The following DGKB variants were observed in gnomAD, a reference collection of about 807,000 sequenced individuals.
DGKB encodes diacylglycerol kinase beta.
A neutral mutation model predicts 114.3 loss-of-function variants in DGKB; 67 were observed. That is an observed-to-expected ratio of 0.59 (90% confidence interval 0.48 to 0.72). The LOEUF (loss-of-function observed/expected upper bound fraction) is 0.72, where lower values mean the gene tolerates loss of function less well. Ranked by LOEUF, DGKB falls within the 30% of genes least tolerant of loss-of-function variation. The probability of loss-of-function intolerance (pLI) is 0.00; values close to 1 mark genes in which losing one functional copy is unlikely to be tolerated. For missense variants in DGKB, 907 were observed against 975.2 expected, an observed-to-expected ratio of 0.93 and a Z score of 0.93; for synonymous variants, 398 against 323.1, an observed-to-expected ratio of 1.23 and a Z score of -2.49.
chr7:14,250,156 A>G (rs1795021906), intron 23 of DGKB, among the ~76,000 whole-genome samples: 1 of 149,298 alleles, frequency 6.7e-6, no homozygotes, highest in South Asian at 2.1e-4. Flanking sequence ...TTTGGTAGAA[A>G]TGCGGTTTCA....
At position 14,147,707 on chromosome 7, in the gene DGKB, CAT is replaced by C. The variant is rs1287980565; in HGVS notation, c.*1422_*1423del. ...GTTTTCCTTATGGCATGTTTGAAAA[CAT>C]AAAACATGCAATGATGAGATGCAGG... On this transcript the variant is annotated 3_prime_UTR_variant, in exon 26 of 26. Coordinates refer to ENST00000402815, the MANE Select transcript of DGKB (RefSeq NM_001350709.2). The C allele has an allele frequency of 6.6e-6, 1 of 152,470 alleles. No individual in the cohort carries two copies. The highest frequency in any genetic ancestry group is 1.5e-5 in the Non-Finnish European group (1 of 67,980). The allele number at this position is 152,470 out of a possible 1,614,324, so 9.4% of individuals were successfully genotyped here.
chr7:14,207,188 C>A (rs187529293), intron 23 of DGKB, among the ~76,000 whole-genome samples: 12 of 152,144 alleles, frequency 7.9e-5, no homozygotes, highest in African/African-American at 2.9e-4. Flanking sequence ...AACATGTGAT[C>A]CATCAGTATG....
At chr7:14,942,821 T>G (rs1785642299) in intron 1 of DGKB, among the ~76,000 whole-genome samples, 1 of 152,194 alleles carries the variant, frequency 6.6e-6, no homozygotes, top group African/African-American at 2.4e-5. Context: ...TCCCCTTACC[T>G]AAAATACCTT....
At chr7:14,974,143 A>C (rs10950544) in intron 1 of DGKB, among the ~76,000 whole-genome samples, 58,370 of 151,608 alleles carry the variant, frequency 0.39, 13,476 homozygotes, top group African/African-American at 0.66. Flanking sequence ...TACTGACACT[A>C]TACTGTACAA....
At chr7:14,552,214 C>A (rs1795202960) in intron 20 of DGKB, among the ~76,000 whole-genome samples, 1 of 152,150 alleles carries the variant, frequency 6.6e-6, no homozygotes. Context: ...AGAATTCACA[C>A]TTCTTTCTGG....
rs73269851 is a variant in DGKB, at chr7:14,151,340, A to G, written c.2305-2102T>C. Among the ~76,000 whole-genome samples the G allele has an allele frequency of 3.4e-3, 513 of 152,126 alleles. 2 individuals are homozygous for G. Among genetic ancestry groups the G allele is most frequent in the African/African-American group, 0.012 (490 of 41,534 alleles). On this transcript the variant is annotated intron_variant, in intron 25 of 25. Coordinates refer to ENST00000402815, the MANE Select transcript of DGKB (RefSeq NM_001350709.2). ...CATTTATATATATATGTTAGTATCA[A>G]TTTATGACAAAGCATAACCAAAATG...
At chr7:14,783,655 A>T (rs1839444082) in intron 2 of DGKB, among the ~76,000 whole-genome samples, 1 of 152,214 alleles carries the variant, frequency 6.6e-6, no homozygotes, top group South Asian at 2.1e-4. Context: ...ACAAGTGCAA[A>T]TATTTTGGCC....
chr7:14,221,101 G>A (rs1584536462), intron 23 of DGKB, among the ~76,000 whole-genome samples: 1 of 151,298 alleles, frequency 6.6e-6, no homozygotes, highest in African/African-American at 2.4e-5. Flanking sequence ...ATAAGAACAT[G>A]TTATGTGCAA....
At chr7:14,699,355 G>A (rs866990604) in intron 7 of DGKB, among the ~76,000 whole-genome samples, 9 of 152,044 alleles carry the variant, frequency 5.9e-5, no homozygotes, top group African/African-American at 2.2e-4. Flanking sequence ...TAAAGTTCCC[G>A]GATATCTTTT....
chr7:14,632,709 T>C (rs1809970584), intron 13 of DGKB, among the ~76,000 whole-genome samples: 1 of 151,816 alleles, frequency 6.6e-6, no homozygotes, highest in Admixed American at 6.6e-5. Flanking sequence ...GGAGCACTAT[T>C]TTCATGGAAA....
intron 2 of DGKB, among the ~76,000 whole-genome samples, chr7:14,839,996 G>C (rs1239712171): frequency 6.6e-6 from 1 of 151,980 alleles, no homozygotes. Context: ...AGTGTTCCTG[G>C]CTCATAATAT....
chr7:14,625,693 C>T (rs1463487017), intron 14 of DGKB, among the ~76,000 whole-genome samples: 1 of 151,672 alleles, frequency 6.6e-6, no homozygotes, highest in Non-Finnish European at 1.5e-5. Context: ...TTCCTTCTGC[C>T]AGATAAATCA....
intron 21 of DGKB, among the ~76,000 whole-genome samples, chr7:14,357,333 C>A (rs1283587560): frequency 6.6e-6 from 1 of 151,956 alleles, no homozygotes; most frequent in Non-Finnish European, 1.5e-5. Flanking sequence ...TTGAATTGAT[C>A]CCTTTACCAT....
chr7:14,740,237 C>CT (rs58096142), intron 4 of DGKB, among the ~76,000 whole-genome samples: 165 of 142,780 alleles, frequency 1.2e-3, no homozygotes, highest in African/African-American at 3.7e-3. Context: ...ACGCTTAAGC[C>CT]TTTTTTTTTT....
At chr7:14,220,288 T>G (rs923258895) in intron 23 of DGKB, among the ~76,000 whole-genome samples, 3 of 151,598 alleles carry the variant, frequency 2.0e-5, no homozygotes, top group Non-Finnish European at 4.4e-5. Flanking sequence ...GCATTGTTAA[T>G]GTGGGGAACG....
chr7:14,623,312 G>A (rs1003525203), intron 14 of DGKB, among the ~76,000 whole-genome samples: 5 of 152,010 alleles, frequency 3.3e-5, no homozygotes, highest in Admixed American at 3.3e-4. Context: ...TCCTATATTT[G>A]CTTGTTAGAG....
At chr7:14,915,839 A>C (rs934562725) in intron 1 of DGKB, among the ~76,000 whole-genome samples, 1 of 152,200 alleles carries the variant, frequency 6.6e-6, no homozygotes, top group Non-Finnish European at 1.5e-5. Flanking sequence ...ATGTTAAAAC[A>C]AGTTCCTCAG....
chr7:14,441,198 C>T (rs893416764), intron 21 of DGKB, among the ~76,000 whole-genome samples: 6 of 151,888 alleles, frequency 4.0e-5, no homozygotes, highest in South Asian at 2.1e-4. Flanking sequence ...TTAGTAGAGG[C>T]GGGGTTTCAC....
chr7:14,468,590 A>G (rs1350808980), intron 21 of DGKB, among the ~76,000 whole-genome samples: 2 of 149,540 alleles, frequency 1.3e-5, no homozygotes, highest in Non-Finnish European at 2.9e-5. Context: ...ACATATATAT[A>G]TTGTTGTCAG....
Sources: allele counts gnomAD v4.1 joint callset (sites outside exome capture counted in the v4.1 genomes callset), GRCh38; gene constraint gnomAD v4.1.1; transcripts MANE v1.5; gene names NCBI Gene and HGNC (gene_info 2026-07-23, HGNC 2026-07-21).